Variants in DDX11 observed in about 807,000 individuals in gnomAD.
DDX11 encodes the protein DEAD/H-box helicase 11.
DDX11 carries 72 observed loss-of-function variants against 125.2 expected under a neutral mutation model. The observed-to-expected ratio is 0.58, with a 90% CI of 0.48 to 0.70. The LOEUF (loss-of-function observed/expected upper bound fraction) is 0.70. Among genes scored for constraint, DDX11 ranks in the 30% least tolerant of loss-of-function variants. DDX11 has a pLI of 0.00. For synonymous variants in DDX11, 347 were observed against 452.6 expected (o/e 0.77, Z 2.96); for missense variants, 883 against 1,165.0 (o/e 0.76, Z 3.52).
At chr12:31,094,383 A>G in intron 12 of DDX11, 1 of 723,716 alleles carries the variant, frequency 1.4e-6, no homozygotes, top group South Asian at 1.9e-5. Flanking sequence ...TCCACGTGCA[A>G]GCACGTGAGT....
At chr12:31,084,705 A>C in intron 4 of DDX11, 36 bp downstream of exon 4, 1 of 1,561,270 alleles carries the variant, frequency 6.4e-7, no homozygotes. Context: ...GATTATGTCC[A>C]GGCAGGGTTG....
At chr12:31,090,764 T>G (rs1187525621) in intron 9 of DDX11, among the ~76,000 whole-genome samples, 1 of 152,200 alleles carries the variant, frequency 6.6e-6, no homozygotes, top group African/African-American at 2.4e-5. Flanking sequence ...GAAAAAAATG[T>G]AAGGTTTTAA....
At chr12:31,102,395 T>C (rs1946550784) in intron 22 of DDX11, 32 bp from the exon 23 acceptor site, 1 of 1,611,316 alleles carries the variant, frequency 6.2e-7, no homozygotes, top group Non-Finnish European at 8.5e-7. Flanking sequence ...AAGTTTTGGC[T>C]CAGCAACTCA....
At chr12:31,094,444 A>T in intron 12 of DDX11, 146 bp from the exon 13 acceptor site, 1 of 1,453,960 alleles carries the variant, frequency 6.9e-7, no homozygotes, top group Non-Finnish European at 9.4e-7. Context: ...GGTCCGTTGC[A>T]TGCTATAAAC....
In DDX11 at chr12:31,098,032, G is replaced by T. The variant is rs772215805; in HGVS notation, c.1875+35G>T. ...CCTTTCCCAGCCCCTCGTGCCCCAG[G>T]TGTTGGGATGAGATGGGGGCTTGGG... On this transcript the variant is annotated intron_variant, in intron 18 of 26. Coordinates refer to ENST00000542838, the MANE Select transcript of DDX11 (RefSeq NM_030653.4). 8.9e-6 allele frequency: 14 copies of T among 1,575,416 alleles called. No homozygotes were observed. The East Asian group carries it at 2.0e-4, about 23-fold the overall frequency.
In DDX11 at chr12:31,097,870, G is replaced by T. The variant is rs12366526; in HGVS notation, c.1763-15G>T. ...GTTGGGCTTGCACTCACCTCCCACC[G>T]ATCTGTTTTTCCAGGCAGCCTCAGT... On this transcript the variant is annotated splice_polypyrimidine_tract_variant and intron_variant, in intron 17 of 26. Transcript: ENST00000542838. 1.9e-5 allele frequency: 30 copies of T among 1,581,868 alleles called. No homozygotes were observed. Among genetic ancestry groups the T allele is most frequent in the Non-Finnish European group, 2.3e-5 (27 of 1,153,414 alleles).
At chr12:31,090,232 C>T in intron 9 of DDX11, 138 bp downstream of exon 9, 1 of 861,618 alleles carries the variant, frequency 1.2e-6, no homozygotes, top group Non-Finnish European at 1.9e-6. Context: ...CCATTCTCTC[C>T]TGATGTGTGA....
chr12:31,081,045 C>G (rs1254426606), intron 2 of DDX11, among the ~76,000 whole-genome samples: 1 of 152,172 alleles, frequency 6.6e-6, no homozygotes, highest in Non-Finnish European at 1.5e-5. Flanking sequence ...GTACCTGACC[C>G]CTTTCACCTT....
intron 2 of DDX11, among the ~76,000 whole-genome samples, chr12:31,083,321 AAAAAC>A (rs1277360219): frequency 1.4e-5 from 2 of 147,266 alleles, no homozygotes; most frequent in Non-Finnish European, 3.0e-5. Context: ...TTAAAAAAAA[AAAAAC>A]AAAACAAAAC....
chr12:31,079,162 T>C (rs1198211009), intron 2 of DDX11, among the ~76,000 whole-genome samples: 1 of 152,242 alleles, frequency 6.6e-6, no homozygotes, highest in Non-Finnish European at 1.5e-5. Context: ...GTTATGATTA[T>C]GTTTTGAACA....
chr12:31,100,902 T>C, intron 19 of DDX11, 125 bp from the exon 20 acceptor site: 2 of 1,117,798 alleles, frequency 1.8e-6, no homozygotes, highest in Non-Finnish European at 2.7e-6. Flanking sequence ...CTGGTGATGG[T>C]GGGCGGGTGA....
rs979564401 is a variant in DDX11 at position 31,089,772 on chromosome 12, T to A, written c.881-114T>A. ...CCACAGTAGGCAGTACTTGGGAGGG[T>A]CTTATAGACCCTACCCCATGGAAGT... On this transcript the variant is annotated intron_variant, in intron 8 of 26. Transcript: ENST00000542838. 2.6e-6 allele frequency: 4 copies of A among 1,537,042 alleles called. No homozygotes were observed. The African/African-American group carries it at 5.5e-5, about 21-fold the overall frequency.
intron 1 of DDX11, 130 bp from the exon 2 acceptor site, chr12:31,078,260 T>C: frequency 6.3e-7 from 1 of 1,588,138 alleles, no homozygotes; most frequent in Non-Finnish European, 8.6e-7. Flanking sequence ...GAACATGGTC[T>C]CTGCTTCCCA....
At position 31,074,689 on chromosome 12, in the gene DDX11, C is replaced by T. The variant is rs563197273; in HGVS notation, c.-5+598C>T. Among the ~76,000 whole-genome samples, 9 of 152,348 alleles carry T rather than the reference C, an allele frequency of 5.9e-5. No individual in the cohort carries two copies. The South Asian group carries it at 1.9e-3, about 32-fold the overall frequency. ...TATTATGGGCCAGGCCATCCTCCAG[C>T]TGGTGGAGCACCGCAGTACTGCAGT... On this transcript the variant is annotated intron_variant, in intron 1 of 26. Coordinates refer to ENST00000542838, the MANE Select transcript of DDX11 (RefSeq NM_030653.4).
Position 31,103,705 on chromosome 12 carries a change from G to C in DDX11, c.2665G>C (p.Gly889Arg), listed in dbSNP as rs1946815387. The change falls in exon 26 of 27, where the codon GGC (glycine) becomes CGC (arginine). Residue 889 changes from glycine to arginine, a missense_variant. Transcript: ENST00000542838. ...CCGTGTGGAGGTCAAAGCTACCTTTGGCCCCGCCATTGCTGCTGTGCAGAA... is the reference window on the plus strand; with the variant it reads ...CCGTGTGGAGGTCAAAGCTACCTTTCGCCCCGCCATTGCTGCTGTGCAGAA... ...RARVEVKATF[G>R]PAIAAVQKFH... is the part of the protein sequence containing the mutation. The C allele has an allele frequency of 6.2e-7, 1 of 1,613,858 alleles. No homozygotes were observed. The highest frequency in any genetic ancestry group is 8.5e-7 in the Non-Finnish European group (1 of 1,179,978).
At chr12:31,089,602 C>T (rs1403479483) in intron 8 of DDX11, 112 bp downstream of exon 8, 11 of 1,199,904 alleles carry the variant, frequency 9.2e-6, no homozygotes, top group Non-Finnish European at 1.3e-5. Flanking sequence ...CAGAGGAGAC[C>T]CCAGTTCCTT....
intron 1 of DDX11, among the ~76,000 whole-genome samples, chr12:31,074,502 A>G (rs1940414566): frequency 1.3e-5 from 2 of 152,342 alleles, no homozygotes; most frequent in African/African-American, 4.8e-5. Flanking sequence ...AGCAGGGTAC[A>G]GTACGGAGGC....
At chr12:31,100,011 T>C (rs1413481440) in intron 18 of DDX11, among the ~76,000 whole-genome samples, 1 of 152,236 alleles carries the variant, frequency 6.6e-6, no homozygotes, top group Non-Finnish European at 1.5e-5. Flanking sequence ...CGTGGTTCTC[T>C]GTTGGACAGA....
At chr12:31,098,851 C>T (rs959656912) in intron 18 of DDX11, among the ~76,000 whole-genome samples, 5 of 152,230 alleles carry the variant, frequency 3.3e-5, no homozygotes, top group Admixed American at 2.0e-4. Context: ...CCCCGTGGCC[C>T]GGTCAGTCTC....
Sources: allele counts gnomAD v4.1 joint callset (sites outside exome capture counted in the v4.1 genomes callset), GRCh38; gene constraint gnomAD v4.1.1; transcripts MANE v1.5; gene names NCBI Gene and HGNC (gene_info 2026-07-23, HGNC 2026-07-21).